Variants in ZNF532 observed in about 807,000 individuals in gnomAD.
The protein encoded by ZNF532 is zinc finger protein 532.
In ZNF532, 22 loss-of-function variants were observed where a neutral mutation model predicts 89.3. The observed-to-expected ratio is 0.25, with a 90% CI of 0.18 to 0.35. The LOEUF (loss-of-function observed/expected upper bound fraction) is 0.35, where lower values mean the gene tolerates loss of function less well. Among genes scored for constraint, ZNF532 ranks in the 10% least tolerant of loss-of-function variants. The pLI, the probability that ZNF532 is intolerant of heterozygous loss-of-function variation, is 1.00. For missense variants in ZNF532, 1,132 were observed against 1,643.4 expected (o/e 0.69, Z 5.38); for synonymous variants, 606 against 649.6 (o/e 0.93, Z 1.02).
Position 58,918,803 on chromosome 18 carries a change from C to T in ZNF532, c.516C>T (p.Asp172=). 6.2e-7 allele frequency: 1 copy of T among 1,614,134 alleles called. No individual in the cohort carries two copies. The highest frequency in any genetic ancestry group is 8.5e-7 in the Non-Finnish European group (1 of 1,180,042). The change falls in exon 3 of 10, where the codon GAC becomes GAT. Residue 172 remains aspartate (D), a synonymous_variant. Transcript: ENST00000591808. The part of the protein sequence containing the change: ...NVLTGSAPQQ[D]YDKLKALGGE... Reference sequence around the variant, plus strand: ...TGACGGGGTCGGCTCCCCAGCAGGACTACGATAAGCTGAAGGCACTCGGAG... The same window carrying T: ...TGACGGGGTCGGCTCCCCAGCAGGATTACGATAAGCTGAAGGCACTCGGAG...
rs1340584204 is a variant in ZNF532, at chr18:58,865,210, TAACAA to T, written c.-294_-290del. 6.6e-6 allele frequency: 1 copy of T among 152,150 alleles called. No individual in the cohort carries two copies. The highest frequency in any genetic ancestry group is 1.5e-5 in the Non-Finnish European group (1 of 68,014). The allele number at this position is 152,150 out of a possible 1,614,324, so 9.4% of individuals were successfully genotyped here. Reference sequence around the variant, plus strand: ...CTCTCTCTCTCTTTCTCGGTGTTTATAACAAAACAAAACCAAAATGAACTGAGGGG... The same window carrying T: ...CTCTCTCTCTCTTTCTCGGTGTTTATAACAAAACCAAAATGAACTGAGGGG... On this transcript the variant is annotated 5_prime_UTR_variant, in exon 1 of 10. An upstream open reading frame in the 5' UTR loses its in-frame stop. Transcript: ENST00000591808.
At chr18:58,950,684 GACCTCC>G (rs112532246) in intron 6 of ZNF532, among the ~76,000 whole-genome samples, 11,186 of 152,054 alleles carry the variant, frequency 0.074, 862 homozygotes, top group African/African-American at 0.2. Context: ...AAACTTGTAG[GACCTCC>G]ATGTTGACAT....
At chr18:58,946,924 T>C (rs972827060) in intron 5 of ZNF532, among the ~76,000 whole-genome samples, 4 of 152,112 alleles carry the variant, frequency 2.6e-5, no homozygotes, top group South Asian at 2.1e-4. Flanking sequence ...TGAAGCTACA[T>C]GGGAAGTCCT....
At chr18:58,903,823 G>A (rs1293476364) in intron 2 of ZNF532, among the ~76,000 whole-genome samples, 1 of 152,186 alleles carries the variant, frequency 6.6e-6, no homozygotes, top group East Asian at 1.9e-4. Context: ...AGTGACTGTG[G>A]TTTGATGTGG....
intron 4 of ZNF532, among the ~76,000 whole-genome samples, chr18:58,938,760 T>C (rs915882911): frequency 1.3e-5 from 2 of 152,186 alleles, no homozygotes; most frequent in African/African-American, 4.8e-5. Context: ...TGAAGATTTC[T>C]TCCATTAGAA....
chr18:58,976,379 C>G (rs999846136), intron 7 of ZNF532, among the ~76,000 whole-genome samples: 2 of 150,994 alleles, frequency 1.3e-5, no homozygotes, highest in Admixed American at 1.3e-4. Context: ...GTTAATATTA[C>G]TACACAAGAA....
intron 2 of ZNF532, among the ~76,000 whole-genome samples, chr18:58,891,893 T>G (rs1444171273): frequency 6.6e-6 from 1 of 152,172 alleles, no homozygotes; most frequent in Non-Finnish European, 1.5e-5. Context: ...GGGAAGTAGT[T>G]TATTATTTGG....
At chr18:58,889,542 G>A (rs941718013) in intron 2 of ZNF532, among the ~76,000 whole-genome samples, 1 of 152,244 alleles carries the variant, frequency 6.6e-6, no homozygotes, top group Non-Finnish European at 1.5e-5. Flanking sequence ...GCTCATGCCT[G>A]TAATCCCAGC....
At chr18:58,982,706 A>T (rs2067951784) in intron 9 of ZNF532, among the ~76,000 whole-genome samples, 1 of 152,228 alleles carries the variant, frequency 6.6e-6, no homozygotes, top group Admixed American at 6.5e-5. Context: ...CCCAGGTAAA[A>T]GCTTGTATGT....
At chr18:58,918,065 A>G (rs1355232726) in intron 2 of ZNF532, among the ~76,000 whole-genome samples, 1 of 152,166 alleles carries the variant, frequency 6.6e-6, no homozygotes, top group Admixed American at 6.5e-5. Context: ...TGGAGGGCTT[A>G]CTTTTGAAGC....
intron 2 of ZNF532, among the ~76,000 whole-genome samples, chr18:58,900,990 A>C (rs1021277829): frequency 6.6e-6 from 1 of 152,226 alleles, no homozygotes; most frequent in Non-Finnish European, 1.5e-5. Flanking sequence ...AGGGAAGGGA[A>C]AGAAACTCGT....
chr18:58,977,453 C>G (rs1369235215), intron 7 of ZNF532: 2 of 152,174 alleles, frequency 1.3e-5, no homozygotes, highest in Non-Finnish European at 2.9e-5. Flanking sequence ...CAGGTGCCAG[C>G]TCATCTTAGG....
In ZNF532 at chr18:58,958,827, C is replaced by T. The variant is rs201590986; in HGVS notation, c.3150+5028C>T. On this transcript the variant is annotated intron_variant, in intron 7 of 9. Coordinates refer to ENST00000591808, the MANE Select transcript of ZNF532 (RefSeq NM_001375912.1). Reference sequence around the variant, plus strand: ...GTCAGTGTCACATTAACCTGATGATCTCATCCCAGCCGTGAGCCTTTCCTC... The same window carrying T: ...GTCAGTGTCACATTAACCTGATGATTTCATCCCAGCCGTGAGCCTTTCCTC... Among the ~76,000 whole-genome samples the T allele has an allele frequency of 1.6e-4, 25 of 152,280 alleles. No homozygotes were observed. The East Asian group carries it at 3.9e-3, about 24-fold the overall frequency.
Position 58,979,179 on chromosome 18 carries a change from T to C in ZNF532, c.3263+12T>C, listed in dbSNP as rs748725548. ...GTGTACGCCTGCTCGTAAGTCCTGG[T>C]TTCTAACGGAACGCAGTGAGAGGAC... On this transcript the variant is annotated intron_variant, in intron 8 of 9. Coordinates refer to ENST00000591808, the MANE Select transcript of ZNF532 (RefSeq NM_001375912.1). The C allele has an allele frequency of 5.0e-5, 80 of 1,603,794 alleles. 1 individual carries two copies. In the South Asian group the frequency reaches 8.2e-4, roughly 16 times the overall value.
At chr18:58,928,428 C>T (rs1483479484) in intron 3 of ZNF532, among the ~76,000 whole-genome samples, 2 of 152,174 alleles carry the variant, frequency 1.3e-5, no homozygotes, top group African/African-American at 4.8e-5. Context: ...GCTCAGTGAC[C>T]CCCAAGAGCA....
At position 58,909,752 on chromosome 18, in the gene ZNF532, A is replaced by T. The variant is rs532108759; in HGVS notation, c.-17-8519A>T. Reference sequence around the variant, plus strand: ...TGTTTTCTGGCTGTGAGACTACACTATTCAGCGACGGCATGCACTTTCATT... The same window carrying T: ...TGTTTTCTGGCTGTGAGACTACACTTTTCAGCGACGGCATGCACTTTCATT... On this transcript the variant is annotated intron_variant, in intron 2 of 9. Transcript: ENST00000591808. 2.0e-5 allele frequency among the ~76,000 whole-genome samples: 3 copies of T among 152,294 alleles called. No individual in the cohort carries two copies. The East Asian group carries it at 5.8e-4, about 29-fold the overall frequency.
At chr18:58,888,863 TA>T (rs2058643341) in intron 2 of ZNF532, among the ~76,000 whole-genome samples, 4 of 49,346 alleles carry the variant, frequency 8.1e-5, no homozygotes, top group Admixed American at 3.4e-4. Flanking sequence ...AATTTATATA[TA>T]TATAATATAT....
chr18:58,944,515 AC>A (rs2146813409), intron 5 of ZNF532, among the ~76,000 whole-genome samples: 1 of 151,794 alleles, frequency 6.6e-6, no homozygotes, highest in South Asian at 2.1e-4. Flanking sequence ...CCACTCCCAC[AC>A]CCCTGGGAGT....
intron 3 of ZNF532, among the ~76,000 whole-genome samples, chr18:58,929,229 C>G (rs570138324): frequency 3.9e-5 from 6 of 152,272 alleles, no homozygotes; most frequent in African/African-American, 1.4e-4. Flanking sequence ...AGGATGGATT[C>G]TTGGGGTTAC....
Sources: gnomAD v4.1 joint callset for allele counts (sites outside exome capture counted in the v4.1 genomes callset) on GRCh38, gnomAD v4.1.1 for gene constraint, MANE v1.5 for transcripts, NCBI Gene and HGNC (gene_info 2026-07-23, HGNC 2026-07-21) for gene names.